Variants in HMGN5 observed in about 807,000 individuals in gnomAD.
HMGN5 encodes the protein high mobility group nucleosome binding domain 5, also known as high mobility group nucleosome-binding domain-containing protein 5.
In HMGN5, 4 loss-of-function variants were observed where a neutral mutation model predicts 9.5. That is an observed-to-expected ratio of 0.42 (90% CI 0.21 to 0.96). The LOEUF (loss-of-function observed/expected upper bound fraction) is 0.96. HMGN5 is among the 40% of genes least tolerant of loss of function. The pLI is 0.30. For synonymous variants in HMGN5, 55 were observed against 57.1 expected (o/e 0.96, Z 0.16); for missense variants, 192 against 187.5 (o/e 1.02, Z -0.14).
Position 81,148,211 on chromosome X carries a change from C to A in HMGN5, c.-123-26539G>T, listed in dbSNP as rs182685905. On this transcript the variant is annotated intron_variant, in intron 1 of 6. Transcript: ENST00000358130. ...GCAAAAAGAACAAAGCTGTGTGCAT[C>A]ACGTTACCTGACTTCAAACTACTAC... is the stretch of plus-strand genomic sequence containing the variant. 1.8e-4 allele frequency among the ~76,000 whole-genome samples: 20 copies of A among 111,914 alleles called. 1 individual carries two copies. In the East Asian group the frequency reaches 3.9e-3, roughly 22 times the overall value.
chrX:81,126,147 C>CAAAAAAAAAAAA (rs776769640), intron 1 of HMGN5, among the ~76,000 whole-genome samples: 1 of 47,759 alleles, frequency 2.1e-5, no homozygotes, highest in Non-Finnish European at 3.8e-5. Context: ...GACGCAGTCT[C>CAAAAAAAAAAAA]AAAAAAAAAA....
intron 1 of HMGN5, among the ~76,000 whole-genome samples, chrX:81,170,677 G>T (rs1469312656): frequency 9.0e-6 from 1 of 110,886 alleles, no homozygotes; most frequent in Non-Finnish European, 1.9e-5. Context: ...TATCAATGAG[G>T]TATTATCAGC....
intron 1 of HMGN5, among the ~76,000 whole-genome samples, chrX:81,158,672 G>A (rs1167020073): frequency 2.7e-5 from 3 of 112,048 alleles, no homozygotes; most frequent in African/African-American, 6.5e-5. Flanking sequence ...AGTTTAATTC[G>A]ATCCCATTTG....
intron 1 of HMGN5, among the ~76,000 whole-genome samples, chrX:81,185,436 AATGCTAGCAGTTATTATATGTTGATTTT>A (rs1156521870): frequency 9.0e-6 from 1 of 111,710 alleles, no homozygotes; most frequent in East Asian, 2.8e-4. Flanking sequence ...GCCATATGGA[AATGCTAGCAGTTATTATATGTTGATTTT>A]GTATCCTGCA....
At chrX:81,115,364 A>AT in intron 6 of HMGN5, 134 bp from the exon 7 acceptor site, 1 of 727,332 alleles carries the variant, frequency 1.4e-6, no homozygotes, top group Non-Finnish European at 1.8e-6. Context: ...TTTTCCTGTG[A>AT]AAGAAGCCTG....
At chrX:81,173,300 C>T (rs1262304859) in intron 1 of HMGN5, among the ~76,000 whole-genome samples, 2 of 110,775 alleles carry the variant, frequency 1.8e-5, no homozygotes, top group African/African-American at 6.5e-5. Context: ...TAGTATACTA[C>T]CTTTGTAATA....
intron 1 of HMGN5, among the ~76,000 whole-genome samples, chrX:81,122,026 G>T (rs772325981): frequency 2.7e-5 from 3 of 111,972 alleles, no homozygotes; most frequent in Admixed American, 1.9e-4. Flanking sequence ...CTCCAAACCC[G>T]CCACCCTTCC....
intron 1 of HMGN5, among the ~76,000 whole-genome samples, chrX:81,163,589 T>C (rs766651158): frequency 8.9e-6 from 1 of 111,996 alleles, no homozygotes; most frequent in East Asian, 2.8e-4. Context: ...CTGCTGGAAC[T>C]GGGAGTTTGT....
chrX:81,121,947 T>C (rs1230981179), intron 1 of HMGN5, among the ~76,000 whole-genome samples: 1 of 112,484 alleles, frequency 8.9e-6, no homozygotes, highest in East Asian at 2.8e-4. Flanking sequence ...CAGAGCTGAC[T>C]TGATCAGTTT....
At chrX:81,128,602 T>A (rs982833177) in intron 1 of HMGN5, among the ~76,000 whole-genome samples, 1 of 111,404 alleles carries the variant, frequency 9.0e-6, no homozygotes, top group African/African-American at 3.3e-5. Flanking sequence ...TATTGTAAGA[T>A]TGGATACCAT....
At chrX:81,116,510 T>C (rs2075254257) in intron 5 of HMGN5, among the ~76,000 whole-genome samples, 169 bp from the exon 6 acceptor site, 1 of 112,463 alleles carries the variant, frequency 8.9e-6, no homozygotes, top group Non-Finnish European at 1.9e-5. Flanking sequence ...TCATTGTAAA[T>C]TTCATTGTAA....
intron 1 of HMGN5, among the ~76,000 whole-genome samples, chrX:81,167,876 A>AT (rs368359651): frequency 0.019 from 2,086 of 108,992 alleles, 49 homozygotes; most frequent in African/African-American, 0.065. Context: ...TTAGACCTGG[A>AT]TTTTTTTTTT....
At chrX:81,153,048 G>T (rs1266375305) in intron 1 of HMGN5, among the ~76,000 whole-genome samples, 2 of 103,846 alleles carry the variant, frequency 1.9e-5, no homozygotes, top group Admixed American at 1.1e-4. Context: ...TAATGCTAAA[G>T]GACGAGTTAA....
At chrX:81,176,999 C>T (rs774575402) in intron 1 of HMGN5, among the ~76,000 whole-genome samples, 1 of 109,722 alleles carries the variant, frequency 9.1e-6, no homozygotes, top group African/African-American at 3.3e-5. Context: ...GTCAGATTCA[C>T]CAAGGCTGAA....
At chrX:81,128,984 A>T (rs1224083493) in intron 1 of HMGN5, among the ~76,000 whole-genome samples, 1 of 111,760 alleles carries the variant, frequency 8.9e-6, no homozygotes, top group East Asian at 2.8e-4. Flanking sequence ...AAATTTGTAG[A>T]ACTTATTTAT....
chrX:81,194,854 G>C (rs1372646171), intron 1 of HMGN5, among the ~76,000 whole-genome samples: 1 of 111,919 alleles, frequency 8.9e-6, no homozygotes, highest in East Asian at 2.8e-4. Flanking sequence ...AACATGAAAG[G>C]AAACAGTTCT....
intron 1 of HMGN5, among the ~76,000 whole-genome samples, chrX:81,185,062 T>C (rs1291113770): frequency 8.9e-6 from 1 of 111,838 alleles, no homozygotes; most frequent in Non-Finnish European, 1.9e-5. Context: ...GGTATGTGAT[T>C]CCTCCAGTTC....
At chrX:81,155,074 A>AAT (rs2147566676) in intron 1 of HMGN5, among the ~76,000 whole-genome samples, 1 of 81,621 alleles carries the variant, frequency 1.2e-5, no homozygotes, top group African/African-American at 5.4e-5. Context: ...AGTATATATC[A>AAT]GTATATATAT....
Position 81,147,413 on chromosome X carries a change from T to G in HMGN5, c.-123-25741A>C, listed in dbSNP as rs980847485. Among the ~76,000 whole-genome samples the G allele has an allele frequency of 6.3e-5, 7 of 110,636 alleles. 1 individual carries two copies. The highest frequency in any genetic ancestry group is 9.5e-5 in the Non-Finnish European group (5 of 52,485). On this transcript the variant is annotated intron_variant, in intron 1 of 6. Coordinates refer to ENST00000358130, the MANE Select transcript of HMGN5 (RefSeq NM_030763.3). ...ACAAAAACCACGTGATTATTTAAAT[T>G]GATACAGAAAAGATATTTAGCTTCA...
Sources: gnomAD v4.1 joint callset for allele counts (sites outside exome capture counted in the v4.1 genomes callset) on GRCh38, gnomAD v4.1.1 for gene constraint, MANE v1.5 for transcripts, NCBI Gene and HGNC (gene_info 2026-07-23, HGNC 2026-07-21) for gene names.